NBR1: variants seen among roughly 807,000 people sequenced by gnomAD.
NBR1 encodes the protein next to BRCA1 gene 1 protein.
In NBR1, 59 loss-of-function variants were observed where a neutral mutation model predicts 115.5. The ratio of observed to expected loss-of-function variants is 0.51; its 90% CI spans 0.41 to 0.63. The LOEUF (loss-of-function observed/expected upper bound fraction) is 0.63. Ranked by LOEUF, NBR1 falls within the 30% of genes least tolerant of loss-of-function variation. The pLI, the probability that NBR1 is intolerant of heterozygous loss-of-function variation, is 0.00. For missense variants in NBR1, 1,043 were observed against 1,150.5 expected, an observed-to-expected ratio of 0.91 and a Z score of 1.35; for synonymous variants, 373 against 414.7, an observed-to-expected ratio of 0.90 and a Z score of 1.22.
intron 12 of NBR1, 83 bp downstream of exon 12, chr17:43,193,721 T>G (rs2057004981): frequency 3.6e-5 from 51 of 1,417,704 alleles, no homozygotes; most frequent in Non-Finnish European, 4.3e-5. Context: ...AACCCACTCA[T>G]AGCTGGTTGT....
In NBR1 at chr17:43,201,771, A is replaced by T. The variant is rs773833608; in HGVS notation, c.2554A>T (p.Ile852Phe). Reference sequence around the variant, plus strand: ...AGAAGTTTCTTCAGTCCCTGATCAGATCAGAGGAGGTAATGATCAGCCTAA... The same window carrying T: ...AGAAGTTTCTTCAGTCCCTGATCAGTTCAGAGGAGGTAATGATCAGCCTAA... ...IPEVSSVPDQ[I>F]RGEPRGSSGL... The change falls in exon 18 of 21, where the codon ATC (isoleucine) becomes TTC (phenylalanine). Residue 852 changes from isoleucine (I) to phenylalanine (F), a missense_variant. By Grantham distance (21) the Ile-to-Phe change is conservative. Coordinates refer to ENST00000590996, the MANE Select transcript of NBR1 (RefSeq NM_005899.5). The T allele has an allele frequency of 1.9e-6, 3 of 1,576,184 alleles. No individual in the cohort carries two copies. The Admixed American group carries it at 5.0e-5, about 26-fold the overall frequency.
chr17:43,189,822 T>A lies in NBR1; in HGVS notation c.695+20T>A. On this transcript the variant is annotated intron_variant, in intron 8 of 20. Coordinates refer to ENST00000590996, the MANE Select transcript of NBR1 (RefSeq NM_005899.5). ...GTGTAGGTAAGCAGTTGCTTGGGAG[T>A]AGCTAGCTAGTGATAGACCTTACAG... The A allele has an allele frequency of 6.2e-7, 1 of 1,605,558 alleles. No homozygotes were observed. Among genetic ancestry groups the A allele is most frequent in the Non-Finnish European group, 8.5e-7 (1 of 1,174,108 alleles).
intron 20 of NBR1, among the ~76,000 whole-genome samples, chr17:43,205,523 T>C (rs2057296632): frequency 6.6e-6 from 1 of 151,872 alleles, no homozygotes; most frequent in Non-Finnish European, 1.5e-5. Flanking sequence ...GTGTAGCCAG[T>C]AAAAAAGACT....
intron 6 of NBR1, 85 bp from the exon 7 acceptor site, chr17:43,188,957 A>G (rs919348956): frequency 6.4e-5 from 62 of 972,066 alleles, no homozygotes; most frequent in Non-Finnish European, 9.4e-5. Flanking sequence ...ATTTCACAAA[A>G]GAAACCTCAA....
Position 43,196,365 on chromosome 17 carries a change from G to C in NBR1, c.1751-116G>C, listed in dbSNP as rs775433262. On this transcript the variant is annotated intron_variant, in intron 14 of 20. Coordinates refer to ENST00000590996, the MANE Select transcript of NBR1 (RefSeq NM_005899.5). ...TGTAACAGACCTCAAAGCATATCTT[G>C]GTTTATTTTAGCCCTGCGGGAGGCA... 4.9e-6 allele frequency: 3 copies of C among 606,120 alleles called. No homozygotes were observed. In the South Asian group the frequency reaches 7.6e-5, roughly 15 times the overall value. 37.5% of individuals were successfully genotyped at this position (606,120 alleles called of 1,614,324 possible).
intron 2 of NBR1, 47 bp from the exon 3 acceptor site, chr17:43,177,889 T>C (rs2056561432): frequency 1.5e-6 from 2 of 1,360,688 alleles, no homozygotes; most frequent in Admixed American, 2.8e-5. Flanking sequence ...TTACTTTGAC[T>C]TCTGTGTACA....
chr17:43,196,414 T>C, intron 14 of NBR1, 67 bp from the exon 15 acceptor site: 1 of 983,474 alleles, frequency 1.0e-6, no homozygotes, highest in Non-Finnish European at 1.5e-6. Context: ...CTGCTACTTC[T>C]GGACACTGAC....
At chr17:43,182,663 T>C (rs1343587831) in intron 5 of NBR1, among the ~76,000 whole-genome samples, 3 of 151,912 alleles carry the variant, frequency 2.0e-5, no homozygotes, top group Non-Finnish European at 2.9e-5. Flanking sequence ...AAAATGTGTA[T>C]AAAATGTGAT....
intron 5 of NBR1, among the ~76,000 whole-genome samples, chr17:43,185,106 A>T (rs975698187): frequency 2.0e-5 from 3 of 151,990 alleles, no homozygotes; most frequent in Non-Finnish European, 2.9e-5. Flanking sequence ...GAAAAAAAAA[A>T]AAACAGAAAA....
At chr17:43,188,290 T>C (rs1437421296) in intron 6 of NBR1, among the ~76,000 whole-genome samples, 5 of 152,240 alleles carry the variant, frequency 3.3e-5, no homozygotes, top group African/African-American at 1.2e-4. Context: ...TCATATCCTT[T>C]ACCCACTTTT....
At chr17:43,175,751 T>TAGA in intron 1 of NBR1, 40 bp from the exon 2 acceptor site, 1 of 927,828 alleles carries the variant, frequency 1.1e-6, no homozygotes, top group Non-Finnish European at 1.7e-6. Flanking sequence ...CCCTTTCTAA[T>TAGA]GTGTTTTTCT....
chr17:43,172,203 T>C (rs981824131), intron 1 of NBR1, among the ~76,000 whole-genome samples: 6 of 152,210 alleles, frequency 3.9e-5, no homozygotes, highest in African/African-American at 1.4e-4. Flanking sequence ...AAGGGGCAGA[T>C]AGGGTTAACC....
At chr17:43,183,625 A>G (rs1033661088) in intron 5 of NBR1, among the ~76,000 whole-genome samples, 12 of 152,112 alleles carry the variant, frequency 7.9e-5, no homozygotes, top group African/African-American at 2.9e-4. Flanking sequence ...CAGCCTCCTG[A>G]GTAGTTGGGA....
chr17:43,193,079 T>C lies in NBR1; in HGVS notation c.1074-15T>C. The C allele has an allele frequency of 6.2e-7, 1 of 1,611,496 alleles. No homozygotes were observed. Among genetic ancestry groups the C allele is most frequent in the Non-Finnish European group, 8.5e-7 (1 of 1,178,368 alleles). Reference sequence around the variant, plus strand: ...ACCCAACAGCAAGTGACTAAGCATCTGAATTTCTGTTCAGGCTCCCTTTGC... The same window carrying C: ...ACCCAACAGCAAGTGACTAAGCATCCGAATTTCTGTTCAGGCTCCCTTTGC... On this transcript the variant is annotated splice_polypyrimidine_tract_variant and intron_variant, in intron 10 of 20. Coordinates refer to ENST00000590996, the MANE Select transcript of NBR1 (RefSeq NM_005899.5).
At chr17:43,175,585 ATCTT>A (rs780577044) in intron 1 of NBR1, among the ~76,000 whole-genome samples, 2 of 152,182 alleles carry the variant, frequency 1.3e-5, no homozygotes, top group Non-Finnish European at 2.9e-5. Flanking sequence ...GTTTTAGCCT[ATCTT>A]TCTTTCCTGA....
At chr17:43,175,438 C>G (rs1315300949) in intron 1 of NBR1, among the ~76,000 whole-genome samples, 1 of 152,172 alleles carries the variant, frequency 6.6e-6, no homozygotes, top group Admixed American at 6.5e-5. Flanking sequence ...TTTACAAATG[C>G]TAGATGATTT....
intron 16 of NBR1, among the ~76,000 whole-genome samples, chr17:43,197,483 C>T (rs1169030356): frequency 6.6e-6 from 1 of 150,998 alleles, no homozygotes; most frequent in African/African-American, 2.4e-5. Context: ...TGCGCCACTG[C>T]ACTCTAGCCT....
At chr17:43,206,268 A>G (rs1169660624) in intron 20 of NBR1, among the ~76,000 whole-genome samples, 2 of 152,126 alleles carry the variant, frequency 1.3e-5, no homozygotes, top group Non-Finnish European at 2.9e-5. Flanking sequence ...GCTAATTAAT[A>G]GGAGGAGCAA....
At position 43,200,513 on chromosome 17, in the gene NBR1, G is replaced by A. The variant is rs1193672970; in HGVS notation, c.2373G>A (p.Gln791=). The A allele has an allele frequency of 6.2e-6, 10 of 1,614,026 alleles. No homozygotes were observed. The highest frequency in any genetic ancestry group is 8.5e-6 in the Non-Finnish European group (10 of 1,179,894). ...TCCCTGGAGGGGAGAACCAGCCACA[G>A]GAGCACAGCATAAGTGACATCCTCA... ...ERLPGGENQP[Q]EHSISDILTT... The change falls in exon 17 of 21, where the codon CAG becomes CAA. Residue 791 remains glutamine (Q), a synonymous_variant. Transcript: ENST00000590996.
Sources: allele counts gnomAD v4.1 joint callset (sites outside exome capture counted in the v4.1 genomes callset), GRCh38; gene constraint gnomAD v4.1.1; transcripts MANE v1.5; gene names NCBI Gene and HGNC (gene_info 2026-07-23, HGNC 2026-07-21).